TMC3: variants seen among roughly 807,000 people sequenced by gnomAD.
TMC3 encodes the protein transmembrane channel like 3.
A neutral mutation model predicts 110.6 loss-of-function variants in TMC3; 98 were observed. The observed-to-expected ratio is 0.89, with a 90% CI of 0.75 to 1.05. The LOEUF (loss-of-function observed/expected upper bound fraction) is 1.05, where lower values mean the gene tolerates loss of function less well. Ranked by LOEUF, TMC3 falls within the 50% of genes least tolerant of loss-of-function variation. The pLI, the probability that TMC3 is intolerant of heterozygous loss-of-function variation, is 0.00. For synonymous variants in TMC3, 489 were observed against 513.1 expected (o/e 0.95, Z 0.63); for missense variants, 1,319 against 1,373.2 (o/e 0.96, Z 0.62).
At position 81,336,614 on chromosome 15, in the gene TMC3, A is replaced by T. The variant is rs929999816; in HGVS notation, c.2198T>A (p.Val733Glu). The change falls in exon 20 of 22, where the codon GTA (valine) becomes GAA (glutamate). Residue 733 changes from valine (V) to glutamate (E), a missense_variant. Transcript: ENST00000359440. ...SEDKKKVAQM[V>E]EARIQTQEES... is the part of the protein sequence containing the mutation. ...AAAGAAACGGAAATACTTACCTTCT[A>T]CCATCTGGGCAACCTTTTTCTTATC... 1 of 1,613,860 alleles carries T rather than the reference A, an allele frequency of 6.2e-7. No individual in the cohort carries two copies. The highest frequency in any genetic ancestry group is 2.2e-5 in the East Asian group (1 of 44,872).
chr15:81,348,032 G>A (rs149749667), intron 11 of TMC3, among the ~76,000 whole-genome samples: 8 of 152,300 alleles, frequency 5.3e-5, no homozygotes, highest in Admixed American at 2.0e-4. Context: ...AAACCAAACC[G>A]TACCCTTGCC....
At chr15:81,359,655 T>G (rs879699887) in intron 4 of TMC3, among the ~76,000 whole-genome samples, 184 bp from the exon 5 acceptor site, 2 of 148,414 alleles carry the variant, frequency 1.3e-5, no homozygotes, top group Non-Finnish European at 2.9e-5. Context: ...CCCCTGAATA[T>G]CTATCAGTTC....
rs762846945 is a variant in TMC3, at chr15:81,332,794, C to T, written c.2928G>A (p.Glu976=). The change falls in exon 22 of 22, where the codon GAG becomes GAA. Residue 976 remains glutamate (E), a synonymous_variant. Coordinates refer to ENST00000359440, the MANE Select transcript of TMC3 (RefSeq NM_001080532.3). ...GATCCCGGGTCTGACTTTCGGACCT[C>T]TCCCCAATATAAAAATGAGGAGCCC... ...LRRAPHFYIG[E]RSESQTRDPE... is the part of the protein sequence containing the mutation. 8.4e-5 allele frequency: 136 copies of T among 1,611,062 alleles called. No homozygotes were observed. In the Admixed American group the frequency reaches 2.2e-3, roughly 26 times the overall value.
chr15:81,356,642 G>A (rs372592965), intron 7 of TMC3, 48 bp from the exon 8 acceptor site: 32 of 1,552,562 alleles, frequency 2.1e-5, no homozygotes, highest in Non-Finnish European at 2.7e-5. Flanking sequence ...AGGAATAGGG[G>A]GCTGTAGCTA....
At chr15:81,370,186 C>T (rs944573991) in intron 2 of TMC3, among the ~76,000 whole-genome samples, 1 of 152,190 alleles carries the variant, frequency 6.6e-6, no homozygotes. Context: ...TCCTCTTAGA[C>T]AGGTGGCTCT....
intron 4 of TMC3, among the ~76,000 whole-genome samples, chr15:81,360,970 C>G (rs1216973972): frequency 7.2e-6 from 1 of 139,806 alleles, no homozygotes; most frequent in Non-Finnish European, 1.5e-5. Context: ...TTACGGTTTT[C>G]TCTTTTTTTT....
At position 81,341,392 on chromosome 15, in the gene TMC3, T is replaced by C; in HGVS notation, c.1842A>G (p.Ser614=). ...NVPHQQVFRA[S]RSNNFYLAML... ...GATCAGATCTTATTCTTACTCACCT[T>C]GAGGCTCGAAATACTTGCTGGTGGG... Residue 614 remains serine (S), a splice_region_variant and synonymous_variant, in exon 16 of 22, where the codon TCA becomes TCG. Coordinates refer to ENST00000359440, the MANE Select transcript of TMC3 (RefSeq NM_001080532.3). 6.2e-7 allele frequency: 1 copy of C among 1,609,820 alleles called. No individual in the cohort carries two copies. Among genetic ancestry groups the C allele is most frequent in the Non-Finnish European group, 8.5e-7 (1 of 1,177,832 alleles).
intron 4 of TMC3, among the ~76,000 whole-genome samples, chr15:81,360,018 T>C (rs1894152464): frequency 6.6e-6 from 1 of 152,074 alleles, no homozygotes; most frequent in African/African-American, 2.4e-5. Flanking sequence ...TTATATCTAT[T>C]GAGAAAATCC....
intron 11 of TMC3, among the ~76,000 whole-genome samples, chr15:81,347,929 C>A (rs1205541299): frequency 6.6e-6 from 1 of 152,230 alleles, no homozygotes; most frequent in African/African-American, 2.4e-5. Context: ...TACCCTGGGC[C>A]ATGAAGGTTT....
In TMC3 at chr15:81,356,499, C is replaced by G. The variant is rs763705223; in HGVS notation, c.839G>C (p.Gly280Ala). 5.7e-6 allele frequency: 9 copies of G among 1,570,016 alleles called. No homozygotes were observed. Among genetic ancestry groups the G allele is most frequent in the Non-Finnish European group, 7.8e-6 (9 of 1,157,028 alleles). Residue 280 changes from glycine (G) to alanine (A), a missense_variant, in exon 8 of 22, where the codon GGA becomes GCA. Coordinates refer to ENST00000359440, the MANE Select transcript of TMC3 (RefSeq NM_001080532.3). ...RVFCAWDYLIGNPEAAESKTA... is the reference protein window; with the variant it reads ...RVFCAWDYLIANPEAAESKTA... ...TTTGCTCTCTGCAGCCTCTGGGTTT[C>G]CAATGAGGTAATCCCAGGCACAGAA...
chr15:81,372,144 G>T (rs886328734), intron 2 of TMC3, among the ~76,000 whole-genome samples: 1 of 151,474 alleles, frequency 6.6e-6, no homozygotes, highest in African/African-American at 2.4e-5. Flanking sequence ...CCCAGAGGGT[G>T]GTAATATCCA....
chr15:81,347,523 A>C (rs944192151), intron 11 of TMC3, among the ~76,000 whole-genome samples: 1 of 152,210 alleles, frequency 6.6e-6, no homozygotes, highest in African/African-American at 2.4e-5. Flanking sequence ...CAAGCCCCTC[A>C]GTGTGTATTC....
rs1596082300 is a variant in TMC3 at position 81,343,891 on chromosome 15, C to G, written c.1647+26G>C. ...GGATGGATTTGGCCATATAAACTTT[C>G]CCAACAGACACAGCATTTTACTTAC... On this transcript the variant is annotated intron_variant, in intron 14 of 21. Coordinates refer to ENST00000359440, the MANE Select transcript of TMC3 (RefSeq NM_001080532.3). 6.2e-6 allele frequency: 10 copies of G among 1,606,520 alleles called. No homozygotes were observed. The East Asian group carries it at 2.2e-4, about 36-fold the overall frequency.
rs561780947 is a variant in TMC3, at chr15:81,339,427, C to T, written c.1922G>A (p.Arg641Gln). The T allele has an allele frequency of 2.1e-5, 34 of 1,611,060 alleles. No individual in the cohort carries two copies. Among genetic ancestry groups the T allele is most frequent in the South Asian group, 5.5e-5 (5 of 90,124 alleles). ...CMLPTIFAIV[R>Q]YKPSLNCGPF... is the part of the protein sequence containing the mutation. ...CCCACAGTTTAGAGATGGCTTGTATCGGACAATAGCAAAAATGGTTGGCAG... is the reference window on the plus strand; with the variant it reads ...CCCACAGTTTAGAGATGGCTTGTATTGGACAATAGCAAAAATGGTTGGCAG... The change falls in exon 17 of 22, where the codon CGA becomes CAA. Residue 641 changes from arginine (R) to glutamine (Q), a missense_variant. Arg to Gln is a conservative substitution (Grantham distance 43, BLOSUM62 1). Transcript: ENST00000359440.
rs552268755 is a variant in TMC3 at position 81,360,104 on chromosome 15, TA to T, written c.395-634del. ...TCTGGAGTAGGTAGTTTTATGTCAT[TA>T]AAAAAAAAAACTCTTAAATTTTTAT... On this transcript the variant is annotated intron_variant, in intron 4 of 21. Coordinates refer to ENST00000359440, the MANE Select transcript of TMC3 (RefSeq NM_001080532.3). 1.7e-3 allele frequency among the ~76,000 whole-genome samples: 242 copies of T among 146,084 alleles called. 1 individual carries two copies. Among genetic ancestry groups the T allele is most frequent in the Non-Finnish European group, 2.0e-3 (131 of 65,970 alleles).
At chr15:81,363,205 C>T (rs1258068141) in intron 3 of TMC3, among the ~76,000 whole-genome samples, 1 of 151,492 alleles carries the variant, frequency 6.6e-6, no homozygotes, top group Non-Finnish European at 1.5e-5. Flanking sequence ...GAGCCGAGAC[C>T]GTGCCACTGC....
At chr15:81,351,916 T>C (rs996961675) in intron 9 of TMC3, 75 bp from the exon 10 acceptor site, 11 of 1,531,958 alleles carry the variant, frequency 7.2e-6, no homozygotes, top group African/African-American at 4.1e-5. Flanking sequence ...ACAACACTAC[T>C]TGGGGACTGG....
chr15:81,367,524 C>G (rs74028648), intron 3 of TMC3, among the ~76,000 whole-genome samples: 2,740 of 152,130 alleles, frequency 0.018, 102 homozygotes, highest in African/African-American at 0.063. Context: ...ATTTAAGTAA[C>G]TGAATGGGAA....
chr15:81,338,633 A>C, intron 18 of TMC3, 22 bp downstream of exon 18: 1 of 1,608,300 alleles, frequency 6.2e-7, no homozygotes, highest in Non-Finnish European at 8.5e-7. Flanking sequence ...GTCCCTCCAA[A>C]GCTGGCAGGT....
Sources: allele counts gnomAD v4.1 joint callset (sites outside exome capture counted in the v4.1 genomes callset), GRCh38; gene constraint gnomAD v4.1.1; transcripts MANE v1.5; gene names NCBI Gene and HGNC (gene_info 2026-07-23, HGNC 2026-07-21).